SUGCT: variants seen among roughly 807,000 people sequenced by gnomAD.
SUGCT encodes the protein succinyl-CoA:glutarate CoA-transferase.
SUGCT carries 41 observed loss-of-function variants against 55.0 expected under a neutral mutation model. That is an observed-to-expected ratio of 0.74 (90% CI 0.58 to 0.97). The LOEUF (loss-of-function observed/expected upper bound fraction) is 0.97. SUGCT is among the 50% of genes least tolerant of loss of function. SUGCT has a pLI of 0.00. For missense variants in SUGCT, 568 were observed against 547.8 expected (o/e 1.04, Z -0.37); for synonymous variants, 187 against 200.4 (o/e 0.93, Z 0.56).
chr7:40,481,102 G>T (rs1791009008), intron 11 of SUGCT, among the ~76,000 whole-genome samples: 1 of 152,094 alleles, frequency 6.6e-6, no homozygotes, highest in Admixed American at 6.6e-5. Context: ...ATTGCTTGAA[G>T]CCAGGAGGAT....
chr7:40,490,392 A>T (rs1435363126), intron 11 of SUGCT, among the ~76,000 whole-genome samples: 1 of 152,074 alleles, frequency 6.6e-6, no homozygotes, highest in Non-Finnish European at 1.5e-5. Context: ...GAGATCTCGG[A>T]ATGGTGGGGA....
At chr7:40,372,654 T>G (rs2151257598) in intron 9 of SUGCT, among the ~76,000 whole-genome samples, 1 of 152,178 alleles carries the variant, frequency 6.6e-6, no homozygotes, top group Non-Finnish European at 1.5e-5. Context: ...ATCTTTTATG[T>G]CAGTGGAAAA....
chr7:40,421,875 A>T (rs1193162927), intron 9 of SUGCT, among the ~76,000 whole-genome samples: 1 of 152,214 alleles, frequency 6.6e-6, no homozygotes, highest in Non-Finnish European at 1.5e-5. Flanking sequence ...CATCCACTGC[A>T]GGTCCTTCTG....
chr7:40,729,121 T>C (rs373661136), intron 12 of SUGCT, among the ~76,000 whole-genome samples: 10 of 152,230 alleles, frequency 6.6e-5, no homozygotes, highest in African/African-American at 2.2e-4. Flanking sequence ...AATTCATTAA[T>C]ATTTAATTCT....
chr7:40,648,005 A>G (rs1273612835), intron 12 of SUGCT, among the ~76,000 whole-genome samples: 1 of 152,226 alleles, frequency 6.6e-6, no homozygotes, highest in Admixed American at 6.5e-5. Flanking sequence ...GCGCAGATGC[A>G]TATTCACAAC....
intron 7 of SUGCT, among the ~76,000 whole-genome samples, chr7:40,271,861 C>A (rs1792041839): frequency 6.6e-6 from 1 of 151,864 alleles, no homozygotes; most frequent in African/African-American, 2.4e-5. Context: ...CCTCTGGTAA[C>A]CAGCAGTCTG....
chr7:40,755,159 T>A (rs1788192811), intron 13 of SUGCT, among the ~76,000 whole-genome samples: 2 of 152,160 alleles, frequency 1.3e-5, no homozygotes, highest in South Asian at 2.1e-4. Flanking sequence ...TCAAAAAAAA[T>A]TCAAAGATAT....
At position 40,218,025 on chromosome 7, in the gene SUGCT, C is replaced by T. The variant is rs112985655; in HGVS notation, c.485-19610C>T. On this transcript the variant is annotated intron_variant, in intron 6 of 13. Coordinates refer to ENST00000335693, the MANE Select transcript of SUGCT (RefSeq NM_001193313.2). Reference sequence around the variant, plus strand: ...GGTCAGGAGTTTGAGATCATCCTGGCTAACATGGTGAAACCCTGTCTCTAC... The same window carrying T: ...GGTCAGGAGTTTGAGATCATCCTGGTTAACATGGTGAAACCCTGTCTCTAC... Among the ~76,000 whole-genome samples the T allele has an allele frequency of 1.1e-4, 16 of 152,224 alleles. 1 individual carries two copies. Among genetic ancestry groups the T allele is most frequent in the African/African-American group, 3.6e-4 (15 of 41,534 alleles).
intron 9 of SUGCT, among the ~76,000 whole-genome samples, chr7:40,422,804 G>T (rs1324826747): frequency 2.1e-5 from 3 of 145,754 alleles, no homozygotes; most frequent in African/African-American, 7.6e-5. Flanking sequence ...CCATTTTAGA[G>T]AATTAACCAG....
At chr7:40,146,630 A>G (rs1172119542) in intron 1 of SUGCT, among the ~76,000 whole-genome samples, 1 of 152,204 alleles carries the variant, frequency 6.6e-6, no homozygotes, top group African/African-American at 2.4e-5. Flanking sequence ...CGCTCATGCT[A>G]TTGTTTGTGG....
intron 6 of SUGCT, among the ~76,000 whole-genome samples, chr7:40,209,359 G>A (rs751671684): frequency 3.3e-5 from 5 of 152,028 alleles, no homozygotes; most frequent in African/African-American, 4.8e-5. Flanking sequence ...TTAGCCGAGC[G>A]TGGTGGCACT....
the SUGCT span, among the ~76,000 whole-genome samples, chr7:40,947,495 T>C: frequency 7.6e-6 from 1 of 131,480 alleles, no homozygotes; most frequent in Middle Eastern, 3.8e-3. Flanking sequence ...GGCCATACTT[T>C]CTCTCTTTTT....
At chr7:40,285,499 G>T (rs564429832) in intron 8 of SUGCT, among the ~76,000 whole-genome samples, 5,686 of 148,654 alleles carry the variant, frequency 0.038, 390 homozygotes, top group African/African-American at 0.13. Context: ...TTTCGGGGGG[G>T]GGCAAGAATT....
intron 7 of SUGCT, among the ~76,000 whole-genome samples, chr7:40,248,553 C>T (rs771926162): frequency 4.6e-5 from 7 of 151,628 alleles, no homozygotes; most frequent in African/African-American, 9.7e-5. Flanking sequence ...TTTCTACATG[C>T]GCAATTATTA....
intron 9 of SUGCT, among the ~76,000 whole-genome samples, chr7:40,365,587 A>G (rs1455947315): frequency 4.6e-5 from 7 of 151,722 alleles, no homozygotes; most frequent in Admixed American, 1.3e-4. Flanking sequence ...AAATCAATGT[A>G]CAAAAATCAC....
chr7:40,709,915 T>C (rs1055191984), intron 12 of SUGCT, among the ~76,000 whole-genome samples: 1 of 152,226 alleles, frequency 6.6e-6, no homozygotes, highest in South Asian at 2.1e-4. Flanking sequence ...CTGCTGCTGC[T>C]AGTCAGGGGT....
At chr7:40,493,065 T>C (rs552416514) in intron 11 of SUGCT, among the ~76,000 whole-genome samples, 8 of 152,244 alleles carry the variant, frequency 5.3e-5, no homozygotes, top group Non-Finnish European at 7.3e-5. Flanking sequence ...TCCTTCATTT[T>C]TTAGCTGTGA....
At chr7:40,363,195 TTCTC>T (rs1370208945) in intron 9 of SUGCT, among the ~76,000 whole-genome samples, 1 of 152,014 alleles carries the variant, frequency 6.6e-6, no homozygotes, top group African/African-American at 2.4e-5. Flanking sequence ...TATTTGATTC[TTCTC>T]TCTTTTTTTC....
At chr7:40,578,604 A>G (rs1488763187) in intron 12 of SUGCT, among the ~76,000 whole-genome samples, 1 of 151,960 alleles carries the variant, frequency 6.6e-6, no homozygotes, top group African/African-American at 2.4e-5. Flanking sequence ...GCTGGGGAAC[A>G]TTTAGAAAAT....
Sources: gnomAD v4.1 joint callset for allele counts (sites outside exome capture counted in the v4.1 genomes callset) on GRCh38, gnomAD v4.1.1 for gene constraint, MANE v1.5 for transcripts, NCBI Gene and HGNC (gene_info 2026-07-23, HGNC 2026-07-21) for gene names.